The following SYNJ2 variants were observed in gnomAD, a reference collection of about 807,000 sequenced individuals.
SYNJ2 encodes polyphosphatidylinositol phosphatase SYNJ2.
Under a neutral mutation model 141.3 loss-of-function variants are expected in SYNJ2, and 116 were observed. The observed-to-expected ratio is 0.82, with a 90% CI of 0.71 to 0.96. The LOEUF is 0.96. SYNJ2 is among the 40% of genes least tolerant of loss of function. SYNJ2 has a pLI of 0.00. For synonymous variants in SYNJ2, 745 were observed against 777.7 expected, an observed-to-expected ratio of 0.96 and a Z score of 0.70; for missense variants, 1,873 against 1,934.8, an observed-to-expected ratio of 0.97 and a Z score of 0.60.
intron 4 of SYNJ2, among the ~76,000 whole-genome samples, chr6:158,042,145 G>C (rs138099848): frequency 6.6e-6 from 1 of 152,360 alleles, no homozygotes; most frequent in African/African-American, 2.4e-5. Context: ...GTCTGTAGCC[G>C]TTCAAGCAAC....
Position 158,050,121 on chromosome 6 carries a change from A to G in SYNJ2, c.796-4846A>G, listed in dbSNP as rs149686504. 2.4e-3 allele frequency among the ~76,000 whole-genome samples: 359 copies of G among 152,100 alleles called. 3 individuals carry two copies. The highest frequency in any genetic ancestry group is 8.3e-3 in the African/African-American group (344 of 41,342). On this transcript the variant is annotated intron_variant, in intron 5 of 26. Transcript: ENST00000355585. ...CCCCTGGAGCTGTCTTCCCTGCTGT[A>G]CCTTCTACCCCTTCATGGGCATTTG...
rs188835813 is a variant in SYNJ2, at chr6:158,062,477, A to G, written c.1127+313A>G. ...GGTTTTCTGGCAAAAGAAATGAACT[A>G]ATAAAGGGGACTGCATTAAAACATG... On this transcript the variant is annotated intron_variant, in intron 8 of 26. Transcript: ENST00000355585. Among the ~76,000 whole-genome samples the G allele has an allele frequency of 2.6e-5, 4 of 152,240 alleles. No individual in the cohort carries two copies. The East Asian group carries it at 7.7e-4, about 29-fold the overall frequency.
chr6:158,066,754 C>A, intron 12 of SYNJ2, 119 bp downstream of exon 12: 1 of 1,194,472 alleles, frequency 8.4e-7, no homozygotes, highest in Non-Finnish European at 1.2e-6. Context: ...TCCCTCCTCA[C>A]AATGTCTAAA....
At chr6:158,093,902 T>C (rs1783633111) in intron 26 of SYNJ2, 1 of 765,250 alleles carries the variant, frequency 1.3e-6, no homozygotes, top group African/African-American at 1.7e-5. Context: ...TTTTTTGCTC[T>C]CGCTCTCAAG....
chr6:158,025,923 G>A (rs914623641), intron 2 of SYNJ2, among the ~76,000 whole-genome samples: 17 of 152,202 alleles, frequency 1.1e-4, no homozygotes, highest in African/African-American at 4.1e-4. Flanking sequence ...TTGCACTCCA[G>A]CTTGGGCAAC....
chr6:158,057,217 G>A (rs888676937), intron 6 of SYNJ2, among the ~76,000 whole-genome samples: 19 of 152,062 alleles, frequency 1.2e-4, no homozygotes, highest in Admixed American at 4.6e-4. Flanking sequence ...ACAGTAACCC[G>A]TAGGCAGGGG....
chr6:158,089,635 G>A (rs987156228), intron 24 of SYNJ2, among the ~76,000 whole-genome samples: 7 of 152,140 alleles, frequency 4.6e-5, no homozygotes, highest in African/African-American at 1.7e-4. Flanking sequence ...TGAAGACCAG[G>A]GTCATCAGGT....
Position 158,071,904 on chromosome 6 carries a change from C to A in SYNJ2, c.2133+110C>A. 7.7e-7 allele frequency: 1 copy of A among 1,293,970 alleles called. No homozygotes were observed. Among genetic ancestry groups the A allele is most frequent in the South Asian group, 1.4e-5 (1 of 69,322 alleles). The allele number at this position is 1,293,970 out of a possible 1,614,324, so 80.2% of individuals were successfully genotyped here. A position where few individuals can be genotyped will look rare whatever the true frequency, so the allele number is the denominator to read the frequency against. On this transcript the variant is annotated intron_variant, in intron 15 of 26. Coordinates refer to ENST00000355585, the MANE Select transcript of SYNJ2 (RefSeq NM_003898.4). This position sits in a 1 kb window ranked among gnomAD's most constrained non-coding sequence, Gnocchi z 4.3. ...ACACAACCACAGGGAGGGCCCCTTC[C>A]TGGAGGGCTCAGCGCTGGGGGAGGG...
intron 2 of SYNJ2, 25 bp from the exon 3 acceptor site, chr6:158,028,730 GC>G: frequency 6.2e-7 from 1 of 1,609,846 alleles, no homozygotes; most frequent in Non-Finnish European, 8.5e-7. Context: ...TCGACCCTGA[GC>G]TCTCCTGTCT....
At position 158,095,711 on chromosome 6, in the gene SYNJ2, G is replaced by C. The variant is rs770420458; in HGVS notation, c.3838G>C (p.Ala1280Pro). ...TSVEAPPVVTAPRVPPVPKPR... is the reference protein window; with the variant it reads ...TSVEAPPVVTPPRVPPVPKPR... ...CGTTGAGGCCCCTCCTGTCGTGACA[G>C]CCCCTCGAGTCCCTCCTGTTCCCAA... Residue 1280 changes from alanine (A) to proline (P), a missense_variant, in exon 27 of 27, where the codon GCC (alanine) becomes CCC (proline). By Grantham distance (27) the Ala-to-Pro change is conservative. Transcript: ENST00000355585. 6.2e-7 allele frequency: 1 copy of C among 1,614,182 alleles called. No homozygotes were observed. The highest frequency in any genetic ancestry group is 2.2e-5 in the East Asian group (1 of 44,884).
At chr6:157,991,286 C>G (rs188624228) in intron 1 of SYNJ2, among the ~76,000 whole-genome samples, 1 of 152,292 alleles carries the variant, frequency 6.6e-6, no homozygotes, top group East Asian at 1.9e-4. Context: ...TCAACAAACC[C>G]GGGACAGCAG....
Position 158,071,377 on chromosome 6 carries a change from C to T in SYNJ2, c.1941-225C>T, listed in dbSNP as rs1781911680. On this transcript the variant is annotated intron_variant, in intron 14 of 26. Coordinates refer to ENST00000355585, the MANE Select transcript of SYNJ2 (RefSeq NM_003898.4). The surrounding 1 kb of genome is among the most constrained non-coding windows in gnomAD (Gnocchi z 4.3). ...ATGGGGTGCTCAAGTGAGCACTTCC[C>T]AGTTGGGGTGTGGGGGAGATGTCCA... Among the ~76,000 whole-genome samples the T allele has an allele frequency of 6.6e-6, 1 of 152,044 alleles. No individual in the cohort carries two copies. Among genetic ancestry groups the T allele is most frequent in the Non-Finnish European group, 1.5e-5 (1 of 68,010 alleles).
In SYNJ2 at chr6:158,033,557, C is replaced by T; in HGVS notation, c.588C>T (p.Ala196=). The change falls in exon 4 of 27, where the codon GCC becomes GCT. Residue 196 remains alanine (A), a synonymous_variant. Coordinates refer to ENST00000355585, the MANE Select transcript of SYNJ2 (RefSeq NM_003898.4). ...CGVVTIRTVY[A]SHKQAKACLV... is the part of the protein sequence containing the mutation. ...TGGTCACCATCCGCACCGTGTATGCCTCCCACAAGCAGGCCAAGGCCTGCC... is the reference window on the plus strand; with the variant it reads ...TGGTCACCATCCGCACCGTGTATGCTTCCCACAAGCAGGCCAAGGCCTGCC... 1 of 1,614,164 alleles carries T rather than the reference C, an allele frequency of 6.2e-7. No homozygotes were observed. The highest frequency in any genetic ancestry group is 8.5e-7 in the Non-Finnish European group (1 of 1,180,042).
intron 23 of SYNJ2, among the ~76,000 whole-genome samples, chr6:158,088,430 C>G (rs1049727703): frequency 7.2e-5 from 11 of 152,188 alleles, no homozygotes; most frequent in Non-Finnish European, 1.6e-4. Flanking sequence ...TAATGCTTCT[C>G]CAGATCATCT....
At chr6:158,092,838 A>C (rs1368528429) in intron 25 of SYNJ2, 88 bp from the exon 26 acceptor site, 17 of 1,219,492 alleles carry the variant, frequency 1.4e-5, no homozygotes, top group South Asian at 3.5e-5. Context: ...TTAGTAAATG[A>C]CACTTAGGAT....
chr6:158,086,115 G>A (rs187996518), intron 22 of SYNJ2, among the ~76,000 whole-genome samples: 21 of 152,278 alleles, frequency 1.4e-4, no homozygotes, highest in Admixed American at 2.6e-4. Context: ...ATTCCCATTT[G>A]TAGGAGAAAT....
At chr6:158,024,597 T>C (rs897811377) in intron 2 of SYNJ2, among the ~76,000 whole-genome samples, 1 of 152,256 alleles carries the variant, frequency 6.6e-6, no homozygotes, top group African/African-American at 2.4e-5. Flanking sequence ...TTACATTGTA[T>C]TGTTTACATT....
chr6:158,015,620 A>G (rs983355493), intron 1 of SYNJ2, among the ~76,000 whole-genome samples: 3 of 152,168 alleles, frequency 2.0e-5, no homozygotes, highest in Non-Finnish European at 2.9e-5. Flanking sequence ...ACCAATTGCA[A>G]TTACAGATGT....
intron 17 of SYNJ2, chr6:158,077,628 T>G (rs1371720369): frequency 7.2e-6 from 1 of 139,016 alleles, no homozygotes; most frequent in Non-Finnish European, 1.5e-5. Context: ...TATTTAAAGT[T>G]AGAATATCTG....
Sources: allele counts gnomAD v4.1 joint callset (sites outside exome capture counted in the v4.1 genomes callset), GRCh38; gene constraint gnomAD v4.1.1; non-coding constraint Gnocchi (gnomAD v3.1); transcripts MANE v1.5; gene names NCBI Gene and HGNC (gene_info 2026-07-23, HGNC 2026-07-21).